FGD4: variants seen among roughly 807,000 people sequenced by gnomAD.
The protein encoded by FGD4 is FYVE, RhoGEF and PH domain-containing protein 4.
Under a neutral mutation model 102.0 loss-of-function variants are expected in FGD4, and 42 were observed. The ratio of observed to expected loss-of-function variants is 0.41; its 90% CI spans 0.32 to 0.53. The LOEUF (loss-of-function observed/expected upper bound fraction) is 0.53, where lower values mean the gene tolerates loss of function less well. Ranked by LOEUF, FGD4 falls within the 20% of genes least tolerant of loss-of-function variation. The probability of loss-of-function intolerance (pLI) is 0.21; values close to 1 mark genes in which losing one functional copy is unlikely to be tolerated. For missense variants in FGD4, 902 were observed against 1,078.2 expected (o/e 0.84, Z 2.29); for synonymous variants, 380 against 375.7 (o/e 1.01, Z -0.13).
intron 1 of FGD4, among the ~76,000 whole-genome samples, chr12:32,538,144 T>C (rs7303281): frequency 0.37 from 56,232 of 152,090 alleles, 11,953 homozygotes; most frequent in African/African-American, 0.6. Flanking sequence ...GCAATTCACC[T>C]GCCTTGGTTT....
rs776556112 is a variant in FGD4, at chr12:32,600,584, C to CT, written c.1102-691dup. 1,592 of 269,292 alleles carry CT rather than the reference C, an allele frequency of 5.9e-3. 27 individuals carry two copies. Among genetic ancestry groups the CT allele is most frequent in the African/African-American group, 0.018 (453 of 25,040 alleles). 16.7% of individuals were successfully genotyped at this position (269,292 alleles called of 1,614,324 possible). ...GTTTTTTGTTTTTCTTTCTTTCTTT[C>CT]TTTCTTTCTTTTTTTTTTTTTTGTC... On this transcript the variant is annotated intron_variant, in intron 5 of 16. Coordinates refer to ENST00000534526, the MANE Select transcript of FGD4 (RefSeq NM_001370298.3).
intron 4 of FGD4, among the ~76,000 whole-genome samples, chr12:32,594,344 C>T (rs1947704926): frequency 6.6e-6 from 1 of 152,130 alleles, no homozygotes; most frequent in African/African-American, 2.4e-5. Context: ...GTTGCATGCT[C>T]CTTATGAGAA....
At chr12:32,430,026 G>T (rs1269008414) in intron 1 of FGD4, among the ~76,000 whole-genome samples, 2 of 152,116 alleles carry the variant, frequency 1.3e-5, no homozygotes, top group African/African-American at 4.8e-5. Context: ...AAAGATTCTG[G>T]GCTGGGCGCG....
intron 1 of FGD4, among the ~76,000 whole-genome samples, chr12:32,546,887 C>G (rs2136166318): frequency 6.6e-6 from 1 of 152,310 alleles, no homozygotes; most frequent in Admixed American, 6.5e-5. Context: ...GCAAGGTAAT[C>G]TGGAATTCTG....
intron 1 of FGD4, among the ~76,000 whole-genome samples, chr12:32,407,469 C>T (rs976002209): frequency 6.6e-6 from 1 of 152,178 alleles, no homozygotes; most frequent in Non-Finnish European, 1.5e-5. Flanking sequence ...TCCTGATGTA[C>T]AACCAGGTTT....
intron 13 of FGD4, 56 bp from the exon 14 acceptor site, chr12:32,625,598 A>G: frequency 3.8e-6 from 6 of 1,571,356 alleles, no homozygotes; most frequent in Non-Finnish European, 5.2e-6. Flanking sequence ...AAAAATAATA[A>G]TAAAAGGGAA....
chr12:32,571,081 CT>C (rs1302171984), intron 2 of FGD4, among the ~76,000 whole-genome samples: 1 of 152,172 alleles, frequency 6.6e-6, no homozygotes, highest in African/African-American at 2.4e-5. Flanking sequence ...CTCAAAGTAG[CT>C]GTGTGTTACT....
chr12:32,449,021 T>C (rs1591921645), intron 1 of FGD4, among the ~76,000 whole-genome samples: 1 of 152,214 alleles, frequency 6.6e-6, no homozygotes, highest in African/African-American at 2.4e-5. Flanking sequence ...AGTATTAACA[T>C]TTATAGACTG....
Position 32,549,282 on chromosome 12 carries a change from C to T in FGD4, c.167-14855C>T, listed in dbSNP as rs375395738. Among the ~76,000 whole-genome samples, 17 of 152,332 alleles carry T rather than the reference C, an allele frequency of 1.1e-4. 1 individual carries two copies. The East Asian group carries it at 3.1e-3, about 28-fold the overall frequency. ...GAAGGATCCTCTTGTCAGAGTAGCA[C>T]TCCACAGAACACACTTGGGGAAAAG... On this transcript the variant is annotated intron_variant, in intron 1 of 16. Transcript: ENST00000534526.
At chr12:32,519,578 G>A (rs1419247897) in intron 1 of FGD4, among the ~76,000 whole-genome samples, 2 of 151,832 alleles carry the variant, frequency 1.3e-5, no homozygotes, top group East Asian at 1.9e-4. Flanking sequence ...ATCACTTGAG[G>A]CCAGGAGTTT....
At chr12:32,504,646 T>C (rs1333150932) in intron 1 of FGD4, among the ~76,000 whole-genome samples, 2 of 152,244 alleles carry the variant, frequency 1.3e-5, no homozygotes, top group African/African-American at 4.8e-5. Context: ...AAGACCTTAC[T>C]GACAAGCTTG....
In FGD4 at chr12:32,625,198, A is replaced by G. The variant is rs1950073556; in HGVS notation, c.2046+130A>G. On this transcript the variant is annotated intron_variant, in intron 13 of 16. Transcript: ENST00000534526. ...GAACTGGCTGGTTAGACAGAATCTC[A>G]TTCTTTCTTAGATGAACACAATAGT... is the stretch of plus-strand genomic sequence containing the variant. 1.1e-5 allele frequency: 8 copies of G among 718,554 alleles called. 1 individual carries two copies. The highest frequency in any genetic ancestry group is 1.1e-4 in the South Asian group (7 of 66,140). 44.5% of individuals were successfully genotyped at this position (718,554 alleles called of 1,614,324 possible).
chr12:32,623,770 G>A (rs1387496053), intron 11 of FGD4, among the ~76,000 whole-genome samples: 1 of 152,134 alleles, frequency 6.6e-6, no homozygotes, highest in Non-Finnish European at 1.5e-5. Flanking sequence ...TGCCTTATAG[G>A]AAAAAGGAAA....
chr12:32,511,580 T>G (rs1012950325), intron 1 of FGD4, among the ~76,000 whole-genome samples: 10 of 152,048 alleles, frequency 6.6e-5, no homozygotes, highest in Non-Finnish European at 1.5e-4. Flanking sequence ...GGGATTACAG[T>G]TGTGAGCCAC....
intron 1 of FGD4, among the ~76,000 whole-genome samples, chr12:32,531,967 T>G (rs1193995349): frequency 6.6e-6 from 1 of 152,216 alleles, no homozygotes; most frequent in Non-Finnish European, 1.5e-5. Flanking sequence ...TATCACTTTC[T>G]CCTGCAAACC....
intron 1 of FGD4, among the ~76,000 whole-genome samples, chr12:32,527,675 G>A (rs1366285098): frequency 1.3e-5 from 2 of 152,024 alleles, no homozygotes; most frequent in Admixed American, 6.6e-5. Flanking sequence ...TGATCCACCC[G>A]CCTCGTCCTC....
At chr12:32,566,556 A>G (rs562312980) in intron 2 of FGD4, among the ~76,000 whole-genome samples, 3 of 152,184 alleles carry the variant, frequency 2.0e-5, no homozygotes, top group African/African-American at 7.2e-5. Flanking sequence ...TGTTTCTGCT[A>G]TTCTTTAAAA....
intron 1 of FGD4, among the ~76,000 whole-genome samples, chr12:32,523,408 C>A (rs1940754851): frequency 1.3e-5 from 2 of 152,136 alleles, no homozygotes; most frequent in Admixed American, 1.3e-4. Flanking sequence ...ATTTTTTCAT[C>A]CTTCCCAACT....
At chr12:32,481,191 T>C (rs527356854) in intron 1 of FGD4, among the ~76,000 whole-genome samples, 13 of 125,940 alleles carry the variant, frequency 1.0e-4, no homozygotes, top group Admixed American at 1.8e-4. Flanking sequence ...GTAATCCCAG[T>C]ACTTTGGGAG....
Sources: allele counts gnomAD v4.1 joint callset (sites outside exome capture counted in the v4.1 genomes callset), GRCh38; gene constraint gnomAD v4.1.1; transcripts MANE v1.5; gene names NCBI Gene and HGNC (gene_info 2026-07-23, HGNC 2026-07-21).